MYRFL: variants seen among roughly 807,000 people sequenced by gnomAD.
The protein encoded by MYRFL is myelin regulatory factor-like protein.
MYRFL carries 88 observed loss-of-function variants against 109.4 expected under a neutral mutation model. That is an observed-to-expected ratio of 0.80 (90% confidence interval 0.68 to 0.96). The LOEUF is 0.96. Among genes scored for constraint, MYRFL ranks in the 40% least tolerant of loss-of-function variants. MYRFL has a pLI of 0.00. For synonymous variants in MYRFL, 324 were observed against 320.9 expected, an observed-to-expected ratio of 1.01 and a Z score of -0.10; for missense variants, 957 against 954.9, an observed-to-expected ratio of 1.00 and a Z score of -0.03.
chr12:69,866,526 TTTTTG>T (rs766835447), intron 2 of MYRFL, among the ~76,000 whole-genome samples: 1 of 152,016 alleles, frequency 6.6e-6, no homozygotes, highest in African/African-American at 2.4e-5. Flanking sequence ...GGATGCAGGG[TTTTTG>T]TTTTGTTTTG....
At chr12:69,854,376 AGAGG>A (rs1884141241) in intron 1 of MYRFL, among the ~76,000 whole-genome samples, 3 of 131,720 alleles carry the variant, frequency 2.3e-5, no homozygotes, top group East Asian at 2.2e-4. Flanking sequence ...AGGGAGAGGG[AGAGG>A]ATTTTTAATT....
At chr12:69,945,910 C>G (rs1446111649) in intron 19 of MYRFL, among the ~76,000 whole-genome samples, 1 of 130,846 alleles carries the variant, frequency 7.6e-6, no homozygotes, top group African/African-American at 2.9e-5. Flanking sequence ...TGGCGTGAAC[C>G]CGGGAGGCGG....
intron 2 of MYRFL, among the ~76,000 whole-genome samples, chr12:69,861,498 GTGA>G (rs1327496311): frequency 6.6e-6 from 1 of 152,162 alleles, no homozygotes; most frequent in African/African-American, 2.4e-5. Flanking sequence ...CTGATGGCCA[GTGA>G]TGATGAGCAT....
At chr12:69,952,388 T>A (rs1956000550) in intron 20 of MYRFL, among the ~76,000 whole-genome samples, 1 of 152,212 alleles carries the variant, frequency 6.6e-6, no homozygotes, top group Non-Finnish European at 1.5e-5. Context: ...TTGTGGTTGA[T>A]CTCCATGGAT....
intron 13 of MYRFL, among the ~76,000 whole-genome samples, chr12:69,915,261 CT>C (rs907979016): frequency 6.6e-5 from 10 of 152,206 alleles, no homozygotes; most frequent in African/African-American, 2.4e-4. Flanking sequence ...TTTTAAGGAA[CT>C]TTGCCAGGAC....
chr12:69,924,916 A>C (rs916253247), intron 13 of MYRFL, among the ~76,000 whole-genome samples: 1 of 152,084 alleles, frequency 6.6e-6, no homozygotes, highest in African/African-American at 2.4e-5. Context: ...TTTTCAATTC[A>C]CTTGTGTCCA....
intron 19 of MYRFL, among the ~76,000 whole-genome samples, 184 bp from the exon 20 acceptor site, chr12:69,951,929 C>A (rs1025636051): frequency 1.3e-5 from 2 of 152,116 alleles, no homozygotes; most frequent in Non-Finnish European, 2.9e-5. Context: ...CAGATGACTT[C>A]TTGCAGAAGG....
intron 13 of MYRFL, among the ~76,000 whole-genome samples, chr12:69,922,151 G>A (rs951060136): frequency 2.0e-5 from 3 of 152,018 alleles, no homozygotes; most frequent in Non-Finnish European, 4.4e-5. Flanking sequence ...GGGTTAGAGA[G>A]GACGGCTGGA....
chr12:69,868,171 A>G (rs771231607), intron 2 of MYRFL, among the ~76,000 whole-genome samples: 324 of 151,354 alleles, frequency 2.1e-3, no homozygotes, highest in Non-Finnish European at 3.6e-3. Flanking sequence ...CAGTGGCACA[A>G]TCTTGGCTCA....
chr12:69,948,263 T>G (rs1955886868), intron 19 of MYRFL, among the ~76,000 whole-genome samples: 1 of 152,208 alleles, frequency 6.6e-6, no homozygotes. Flanking sequence ...TCTTATTTCT[T>G]GCGTTTGAAA....
intron 2 of MYRFL, among the ~76,000 whole-genome samples, chr12:69,860,815 G>A (rs952164585): frequency 2.9e-4 from 43 of 149,940 alleles, no homozygotes; most frequent in African/African-American, 1.1e-3. Context: ...ATGTATACAT[G>A]TGCCATGCTG....
chr12:69,871,977 A>G (rs1404284423), intron 2 of MYRFL, among the ~76,000 whole-genome samples: 3 of 152,238 alleles, frequency 2.0e-5, no homozygotes, highest in African/African-American at 7.2e-5. Flanking sequence ...CATCGATGAA[A>G]GAGGAATGTT....
intron 5 of MYRFL, among the ~76,000 whole-genome samples, chr12:69,885,115 T>TA (rs796355069): frequency 1.2e-4 from 18 of 151,556 alleles, no homozygotes; most frequent in East Asian, 3.9e-4. Context: ...TTCTTTTTTT[T>TA]AAAAAAAAAT....
intron 16 of MYRFL, among the ~76,000 whole-genome samples, chr12:69,932,862 C>CGTGTGTGTGTGTGTGTGTGTGTGTGT (rs3970822): frequency 6.7e-6 from 1 of 149,350 alleles, no homozygotes; most frequent in Non-Finnish European, 1.5e-5. Flanking sequence ...CTGTGCCTTT[C>CGTGTGTGTGTGTGTGTGTGTGTGTGT]GTGTGTGTGT....
Position 69,952,087 on chromosome 12 carries a change from G to A in MYRFL, c.2225-26G>A. The A allele has an allele frequency of 2.0e-6, 3 of 1,534,866 alleles. No homozygotes were observed. The South Asian group carries it at 3.6e-5, about 18-fold the overall frequency. On this transcript the variant is annotated intron_variant, in intron 19 of 24. Coordinates refer to ENST00000552032, the MANE Select transcript of MYRFL (RefSeq NM_182530.3). ...TCTCTTCTCCTGAACAAGCCTTCAAGATTGACAGACTTGTTTCCTTTTCAG... is the reference window on the plus strand; with the variant it reads ...TCTCTTCTCCTGAACAAGCCTTCAAAATTGACAGACTTGTTTCCTTTTCAG...
chr12:69,885,871 AT>A (rs1886416180), intron 5 of MYRFL, among the ~76,000 whole-genome samples: 1 of 152,052 alleles, frequency 6.6e-6, no homozygotes, highest in South Asian at 2.1e-4. Flanking sequence ...CCATTATGTC[AT>A]TCTCTCTGCT....
At position 69,936,078 on chromosome 12, in the gene MYRFL, G is replaced by GTTTTTTTT. The variant is rs71098067; in HGVS notation, c.1917-13_1917-6dup. On this transcript the variant is annotated intron_variant, in intron 16 of 24. Transcript: ENST00000552032. ...TCTGGAAACAAATCTGCCACATAAT[G>GTTTTTTTT]TTTTTTTTTTTTTTTTTTTTTTTTT... The GTTTTTTTT allele has an allele frequency of 6.9e-5, 62 of 893,912 alleles. 8 individuals carry two copies. The highest frequency in any genetic ancestry group is 4.8e-4 in the East Asian group (8 of 16,630). The allele number at this position is 893,912 out of a possible 1,614,324, so 55.4% of individuals were successfully genotyped here. A position where few individuals can be genotyped will look rare whatever the true frequency, so the allele number is the denominator to read the frequency against.
intron 2 of MYRFL, among the ~76,000 whole-genome samples, chr12:69,864,756 TG>T (rs1884915337): frequency 6.6e-6 from 1 of 152,054 alleles, no homozygotes; most frequent in Admixed American, 6.6e-5. Flanking sequence ...AGGCGCTGCA[TG>T]GGCTGAACTC....
chr12:69,910,837 G>A lies in MYRFL; in HGVS notation c.1509G>A (p.Glu503=). Residue 503 remains glutamate (E), a synonymous_variant, in exon 13 of 25, where the codon GAG becomes GAA. Coordinates refer to ENST00000552032, the MANE Select transcript of MYRFL (RefSeq NM_182530.3). ...TGTATACAGGAATGATTGCCCAGGA[G>A]GTGCAAGAAATCCTGCCCAGAGCAG... is the stretch of plus-strand genomic sequence containing the variant. ...TAHQTGMIAQ[E]VQEILPRAVR... 6.5e-7 allele frequency: 1 copy of A among 1,534,766 alleles called. No homozygotes were observed. Among genetic ancestry groups the A allele is most frequent in the Non-Finnish European group, 8.7e-7 (1 of 1,145,962 alleles).
Sources: allele counts gnomAD v4.1 joint callset (sites outside exome capture counted in the v4.1 genomes callset), GRCh38; gene constraint gnomAD v4.1.1; transcripts MANE v1.5; gene names NCBI Gene and HGNC (gene_info 2026-07-23, HGNC 2026-07-21).